MAP3K19: variants seen among roughly 807,000 people sequenced by gnomAD.
MAP3K19 encodes SPS1/STE20-related protein kinase YSK4.
A neutral mutation model predicts 114.4 loss-of-function variants in MAP3K19; 91 were observed. That is an observed-to-expected ratio of 0.80 (90% CI 0.67 to 0.95). The LOEUF (loss-of-function observed/expected upper bound fraction) is 0.95, where lower values mean the gene tolerates loss of function less well. Ranked by LOEUF, MAP3K19 falls within the 40% of genes least tolerant of loss-of-function variation. MAP3K19 has a pLI of 0.00. For missense variants in MAP3K19, 1,471 were observed against 1,573.2 expected, an observed-to-expected ratio of 0.94 and a Z score of 1.10; for synonymous variants, 518 against 530.5, an observed-to-expected ratio of 0.98 and a Z score of 0.32.
Position 134,986,717 on chromosome 2 carries a change from T to C in MAP3K19, c.2155A>G (p.Lys719Glu). 1 of 1,614,216 alleles carries C rather than the reference T, an allele frequency of 6.2e-7. No homozygotes were observed. The highest frequency in any genetic ancestry group is 1.1e-5 in the South Asian group (1 of 91,078). The change falls in exon 10 of 13, where the codon AAA (lysine) becomes GAA (glutamate). Residue 719 changes from lysine (K) to glutamate (E), a missense_variant. Physicochemically the swap from Lys to Glu is moderately conservative, Grantham distance 56. Coordinates refer to ENST00000392915, the MANE Select transcript of MAP3K19 (RefSeq NM_025052.5). ...TTTGGGCATTTCATATGTGTTTTTTTCTGAGAAAGTCTTGTTCTGATATTG... is the reference window on the plus strand; with the variant it reads ...TTTGGGCATTTCATATGTGTTTTTTCCTGAGAAAGTCTTGTTCTGATATTG... ...KSNIRTRLSQ[K>E]KTHMKCPKTS... is the part of the protein sequence containing the mutation.
At chr2:135,041,331 A>G (rs909159767) in intron 1 of MAP3K19, among the ~76,000 whole-genome samples, 4 of 150,892 alleles carry the variant, frequency 2.7e-5, no homozygotes, top group African/African-American at 7.3e-5. Context: ...CCTCTCCTGC[A>G]TGGAACCTTT....
At position 134,999,765 on chromosome 2, in the gene MAP3K19, A is replaced by G. The variant is rs1483433522; in HGVS notation, c.314+172T>C. ...GTTGAATCATCACAACAGAGACCAT[A>G]TGGCCCACACAGCCAAAGTGTTTAT... is the stretch of plus-strand genomic sequence containing the variant. On this transcript the variant is annotated intron_variant, in intron 7 of 12. Coordinates refer to ENST00000392915, the MANE Select transcript of MAP3K19 (RefSeq NM_025052.5). This position sits in a 1 kb window ranked among gnomAD's most constrained non-coding sequence, Gnocchi z 4.1. 6.6e-6 allele frequency among the ~76,000 whole-genome samples: 1 copy of G among 152,202 alleles called. No homozygotes were observed. Among genetic ancestry groups the G allele is most frequent in the Admixed American group, 6.5e-5 (1 of 15,276 alleles).
intron 10 of MAP3K19, 95 bp downstream of exon 10, chr2:134,985,705 G>C: frequency 8.7e-7 from 1 of 1,148,398 alleles, no homozygotes; most frequent in East Asian, 2.4e-5. Context: ...ATTGTTTAGG[G>C]TTTATAATTC....
At chr2:135,033,772 G>A (rs1688454462) in intron 2 of MAP3K19, among the ~76,000 whole-genome samples, 1 of 91,950 alleles carries the variant, frequency 1.1e-5, no homozygotes, top group African/African-American at 6.6e-5. Flanking sequence ...AGTAGGGGTG[G>A]CCGGGCAGAG....
In MAP3K19 at chr2:134,986,978, C is replaced by G. The variant is rs1279644754; in HGVS notation, c.1894G>C (p.Val632Leu). ...GTQKSCVPLS[V>L]QPTEPRLNYL... ...TTTAGTCTTGGCTCTGTCGGTTGAA[C>G]AGAGAGAGGAACACATGACTTCTGT... is the stretch of plus-strand genomic sequence containing the variant. The change falls in exon 10 of 13, where the codon GTT becomes CTT. Residue 632 changes from valine (V) to leucine (L), a missense_variant. Coordinates refer to ENST00000392915, the MANE Select transcript of MAP3K19 (RefSeq NM_025052.5). 2.5e-6 allele frequency: 4 copies of G among 1,613,620 alleles called. No homozygotes were observed. The highest frequency in any genetic ancestry group is 3.4e-6 in the Non-Finnish European group (4 of 1,180,028).
At chr2:134,989,871 C>T (rs1218474514) in intron 9 of MAP3K19, among the ~76,000 whole-genome samples, 2 of 152,118 alleles carry the variant, frequency 1.3e-5, no homozygotes, top group Non-Finnish European at 2.9e-5. Flanking sequence ...CACTCAAGGT[C>T]AGGAGTTCAA....
At chr2:135,009,261 G>A (rs190308654) in intron 5 of MAP3K19, among the ~76,000 whole-genome samples, 285 of 151,890 alleles carry the variant, frequency 1.9e-3, no homozygotes, top group African/African-American at 6.4e-3. Context: ...CACCACGTCT[G>A]GCCGACTTTT....
Position 135,040,357 on chromosome 2 carries a change from T to G in MAP3K19, c.-284+6A>C, listed in dbSNP as rs1335003557. The G allele has an allele frequency of 2.0e-5, 3 of 152,586 alleles. No individual in the cohort carries two copies. Among genetic ancestry groups the G allele is most frequent in the African/African-American group, 7.2e-5 (3 of 41,420 alleles). 9.5% of individuals were successfully genotyped at this position (152,586 alleles called of 1,614,324 possible). ...TTATCCTTGAGCCCAGCATGCCACATGTTACCTCTGTTAGATTTTCCTCTG... is the reference window on the plus strand; with the variant it reads ...TTATCCTTGAGCCCAGCATGCCACAGGTTACCTCTGTTAGATTTTCCTCTG... On this transcript the variant is annotated splice_donor_region_variant and intron_variant, in intron 2 of 12. Transcript: ENST00000392915.
chr2:134,979,839 G>C (rs559674188), intron 12 of MAP3K19, among the ~76,000 whole-genome samples: 1 of 152,224 alleles, frequency 6.6e-6, no homozygotes, highest in Admixed American at 6.5e-5. Flanking sequence ...TGCTGGGAGA[G>C]AGAGACAGAG....
At chr2:135,026,645 TA>T (rs999446079) in intron 3 of MAP3K19, among the ~76,000 whole-genome samples, 15 of 151,514 alleles carry the variant, frequency 9.9e-5, no homozygotes, top group Non-Finnish European at 2.1e-4. Flanking sequence ...CCCTCTTATT[TA>T]AAAAAAAAGT....
intron 3 of MAP3K19, among the ~76,000 whole-genome samples, chr2:135,025,830 C>T (rs1688240601): frequency 6.7e-6 from 1 of 148,724 alleles, no homozygotes; most frequent in Non-Finnish European, 1.5e-5. Context: ...CTATGTTGTA[C>T]TGAACCCTTG....
At chr2:134,973,111 G>A (rs2105158935) in intron 12 of MAP3K19, among the ~76,000 whole-genome samples, 1 of 152,208 alleles carries the variant, frequency 6.6e-6, no homozygotes, top group Non-Finnish European at 1.5e-5. Context: ...TGCCATTGTT[G>A]GAGAAAATAT....
chr2:134,977,777 G>A (rs1267972233), intron 12 of MAP3K19, among the ~76,000 whole-genome samples: 7 of 152,214 alleles, frequency 4.6e-5, no homozygotes, highest in African/African-American at 9.6e-5. Flanking sequence ...GATTACAAGC[G>A]TGGACCACTG....
intron 6 of MAP3K19, 60 bp from the exon 7 acceptor site, chr2:135,000,075 G>T: frequency 1.8e-6 from 2 of 1,111,062 alleles, no homozygotes; most frequent in Non-Finnish European, 2.8e-6. Flanking sequence ...CGGAAAGCGG[G>T]AGACGTACTT....
At chr2:135,028,110 C>T (rs1268961002) in intron 3 of MAP3K19, among the ~76,000 whole-genome samples, 1 of 152,204 alleles carries the variant, frequency 6.6e-6, no homozygotes, top group Non-Finnish European at 1.5e-5. Context: ...TGCTAAACTT[C>T]AGAGCCCTCA....
chr2:135,038,741 C>T (rs1040860488), intron 2 of MAP3K19, among the ~76,000 whole-genome samples: 1 of 151,734 alleles, frequency 6.6e-6, no homozygotes, highest in Admixed American at 6.6e-5. Context: ...ACCTGTAATC[C>T]CAACTACTTG....
intron 1 of MAP3K19, among the ~76,000 whole-genome samples, chr2:135,046,290 G>A (rs1347099712): frequency 6.6e-6 from 1 of 151,610 alleles, no homozygotes; most frequent in Non-Finnish European, 1.5e-5. Context: ...TGTTGTTGTT[G>A]TTGTTGTTAC....
Position 135,005,447 on chromosome 2 carries a change from GT to G in MAP3K19, c.222del (p.Gln74HisfsTer11). 3 of 1,612,946 alleles carry G rather than the reference GT, an allele frequency of 1.9e-6. No homozygotes were observed. Among genetic ancestry groups the G allele is most frequent in the Non-Finnish European group, 2.5e-6 (3 of 1,178,990 alleles). ...EDPSGGRQDW[Q>X]PRTEGVEITV... is the part of the protein sequence containing the mutation. ...TAAAGCCCAGTACCTTCTGTCCTGG[GT>G]TGCCAGTCCTGTCTACCACCACTGG... On this transcript the variant is annotated frameshift_variant, in exon 6 of 13. Coordinates refer to ENST00000392915, the MANE Select transcript of MAP3K19 (RefSeq NM_025052.5). LOFTEE classifies it high-confidence loss of function.
chr2:135,002,415 CTTATTTTATTTTATT>C (rs10546607), intron 6 of MAP3K19, among the ~76,000 whole-genome samples: 2 of 150,774 alleles, frequency 1.3e-5, no homozygotes, highest in East Asian at 2.0e-4. Flanking sequence ...GTTTGGTCTC[CTTATTTTATTTTATT>C]TTATTTTATT....
Sources: gnomAD v4.1 joint callset for allele counts (sites outside exome capture counted in the v4.1 genomes callset) on GRCh38, gnomAD v4.1.1 for gene constraint, Gnocchi (gnomAD v3.1) non-coding constraint, MANE v1.5 for transcripts, NCBI Gene and HGNC (gene_info 2026-07-23, HGNC 2026-07-21) for gene names.